The following ZFYVE9 variants were observed in gnomAD, a reference collection of about 807,000 sequenced individuals.
ZFYVE9 encodes zinc finger FYVE domain-containing protein 9.
ZFYVE9 carries 43 observed loss-of-function variants against 126.7 expected under a neutral mutation model. The observed-to-expected ratio is 0.34, with a 90% CI of 0.27 to 0.44. The LOEUF (loss-of-function observed/expected upper bound fraction) is 0.44, where lower values mean the gene tolerates loss of function less well. Ranked by LOEUF, ZFYVE9 falls within the 20% of genes least tolerant of loss-of-function variation. The pLI is 1.00. For missense variants in ZFYVE9, 1,476 were observed against 1,697.0 expected (o/e 0.87, Z 2.29); for synonymous variants, 521 against 597.4 (o/e 0.87, Z 1.87).
At chr1:52,221,328 T>C (rs1468176154) in intron 2 of ZFYVE9, among the ~76,000 whole-genome samples, 1 of 152,226 alleles carries the variant, frequency 6.6e-6, no homozygotes, top group Non-Finnish European at 1.5e-5. Flanking sequence ...TTAGATCCAG[T>C]CTGACTCTAG....
intron 12 of ZFYVE9, among the ~76,000 whole-genome samples, chr1:52,300,144 G>A (rs139219921): frequency 6.8e-4 from 103 of 152,256 alleles, no homozygotes; most frequent in African/African-American, 2.4e-3. Flanking sequence ...CACTCCCCTG[G>A]TGCTCTCCAG....
At position 52,337,922 on chromosome 1, in the gene ZFYVE9, A is replaced by T. The variant is rs767288106; in HGVS notation, c.3821A>T (p.Asn1274Ile). The T allele has an allele frequency of 3.1e-6, 5 of 1,614,122 alleles. No individual in the cohort carries two copies. The highest frequency in any genetic ancestry group is 3.4e-6 in the Non-Finnish European group (4 of 1,180,014). ...IHIQWVDDDK[N>I]VSKGVVSPID... The stretch of plus-strand genomic sequence containing the variant: ...ATCCAGTGGGTGGATGATGACAAGA[A>T]CGTTAGCAAGGGGTAAATGCAGCAC... The change falls in exon 16 of 19, where the codon AAC becomes ATC. Residue 1274 changes from asparagine (N) to isoleucine (I), a missense_variant. This residue lies in a region of ZFYVE9 where 669 missense variants were observed against 902.4 expected (regional missense o/e 0.74). Transcript: ENST00000287727.
Position 52,346,365 on chromosome 1 carries a change from GAC to G in ZFYVE9, c.*145_*146del. On this transcript the variant is annotated 3_prime_UTR_variant, in exon 19 of 19. Transcript: ENST00000287727. ...ATAGGGTGGGAGTGGGGGTTTGGGA[GAC>G]GGGTGGGAAAGGGTGGTTGGGGGGA... The G allele has an allele frequency of 1.3e-6, 1 of 759,322 alleles. No homozygotes were observed. The highest frequency in any genetic ancestry group is 1.9e-6 in the Non-Finnish European group (1 of 525,512). 47.0% of individuals were successfully genotyped at this position (759,322 alleles called of 1,614,324 possible).
In ZFYVE9 at chr1:52,263,698, T is replaced by C. The variant is rs1645603567; in HGVS notation, c.2179-75T>C. ...AAGGTTCACTGACAATCAGTGTTTGTCAATATTGGTTCACTCTCTTTGCAT... is the reference window on the plus strand; with the variant it reads ...AAGGTTCACTGACAATCAGTGTTTGCCAATATTGGTTCACTCTCTTTGCAT... On this transcript the variant is annotated intron_variant, in intron 4 of 18. Coordinates refer to ENST00000287727, the MANE Select transcript of ZFYVE9 (RefSeq NM_004799.4). The C allele has an allele frequency of 4.2e-6, 3 of 717,176 alleles. No homozygotes were observed. The East Asian group carries it at 8.7e-5, about 21-fold the overall frequency. 44.4% of individuals were successfully genotyped at this position (717,176 alleles called of 1,614,324 possible).
At chr1:52,265,891 G>C (rs971319978) in intron 5 of ZFYVE9, among the ~76,000 whole-genome samples, 1 of 152,062 alleles carries the variant, frequency 6.6e-6, no homozygotes, top group Admixed American at 6.5e-5. Flanking sequence ...TTTAGCCCCT[G>C]ATTTTGCTTT....
chr1:52,187,343 A>C (rs1017718238), intron 1 of ZFYVE9, among the ~76,000 whole-genome samples: 4 of 152,240 alleles, frequency 2.6e-5, no homozygotes, highest in African/African-American at 7.2e-5. Context: ...CTTAAATGTA[A>C]AACCCAAAAG....
chr1:52,345,342 G>A (rs1178360599), intron 18 of ZFYVE9, among the ~76,000 whole-genome samples: 2 of 152,090 alleles, frequency 1.3e-5, no homozygotes, highest in African/African-American at 4.8e-5. Flanking sequence ...TCCCCACTGA[G>A]TGAGTGTTAA....
At chr1:52,222,590 C>T (rs933896977) in intron 2 of ZFYVE9, among the ~76,000 whole-genome samples, 9 of 152,194 alleles carry the variant, frequency 5.9e-5, no homozygotes, top group African/African-American at 2.2e-4. Context: ...AGGGGGCATA[C>T]AGGGTTCAAG....
chr1:52,265,060 A>T (rs1645618700), intron 5 of ZFYVE9, among the ~76,000 whole-genome samples: 1 of 152,128 alleles, frequency 6.6e-6, no homozygotes, highest in East Asian at 1.9e-4. Context: ...TTGATAGCTA[A>T]TTTTTTTAAC....
chr1:52,211,349 A>G (rs1557459534), intron 1 of ZFYVE9, among the ~76,000 whole-genome samples: 1 of 152,206 alleles, frequency 6.6e-6, no homozygotes. Flanking sequence ...TCACAATCAC[A>G]TTAAAAAATC....
At chr1:52,310,956 C>T (rs1646131294) in intron 13 of ZFYVE9, among the ~76,000 whole-genome samples, 1 of 152,152 alleles carries the variant, frequency 6.6e-6, no homozygotes, top group Admixed American at 6.5e-5. Context: ...CTGGTAGCCT[C>T]CTGGGATCAA....
At chr1:52,295,854 A>C (rs750646852) in intron 11 of ZFYVE9, 41 bp from the exon 12 acceptor site, 1 of 1,544,248 alleles carries the variant, frequency 6.5e-7, no homozygotes, top group Non-Finnish European at 8.9e-7. Flanking sequence ...CCAAAGTTTT[A>C]TGTTGCCAAA....
chr1:52,170,654 C>T (rs1041392506), intron 1 of ZFYVE9, among the ~76,000 whole-genome samples: 4 of 151,904 alleles, frequency 2.6e-5, no homozygotes, highest in Non-Finnish European at 5.9e-5. Context: ...TTGCTGTATC[C>T]CATAGGTTTC....
intron 1 of ZFYVE9, among the ~76,000 whole-genome samples, chr1:52,191,882 A>C (rs1644819145): frequency 6.6e-6 from 1 of 152,246 alleles, no homozygotes; most frequent in Non-Finnish European, 1.5e-5. Flanking sequence ...CCAGAGACCC[A>C]AAAGCTGTGT....
intron 1 of ZFYVE9, among the ~76,000 whole-genome samples, chr1:52,153,427 G>A (rs1644374872): frequency 6.6e-6 from 1 of 152,160 alleles, no homozygotes; most frequent in African/African-American, 2.4e-5. Flanking sequence ...GCTGGTGTTG[G>A]TTGTTTACCT....
Position 52,346,091 on chromosome 1 carries a change from C to G in ZFYVE9, c.4148C>G (p.Pro1383Arg). 6.2e-7 allele frequency: 1 copy of G among 1,610,190 alleles called. No homozygotes were observed. Among genetic ancestry groups the G allele is most frequent in the Non-Finnish European group, 8.5e-7 (1 of 1,177,228 alleles). ...TATCAAGCAGGGAGCAATGGCCAGCCCCTTCCCTCGCAGTACATGAATGAT... is the reference window on the plus strand; with the variant it reads ...TATCAAGCAGGGAGCAATGGCCAGCGCCTTCCCTCGCAGTACATGAATGAT... ...VGYQAGSNGQ[P>R]LPSQYMNDLD... is the part of the protein sequence containing the mutation. The change falls in exon 19 of 19, where the codon CCC (proline) becomes CGC (arginine). Residue 1383 changes from proline (P) to arginine (R), a missense_variant. Physicochemically the swap from Pro to Arg is moderately radical, Grantham distance 103. This residue lies in a region of ZFYVE9 where 669 missense variants were observed against 902.4 expected (regional missense o/e 0.74). Coordinates refer to ENST00000287727, the MANE Select transcript of ZFYVE9 (RefSeq NM_004799.4).
At chr1:52,298,395 T>C (rs1303722141) in intron 12 of ZFYVE9, among the ~76,000 whole-genome samples, 1 of 152,218 alleles carries the variant, frequency 6.6e-6, no homozygotes, top group African/African-American at 2.4e-5. Context: ...GTACTATTTA[T>C]TGAAGAGAGT....
At chr1:52,215,369 A>G (rs1040818038) in intron 1 of ZFYVE9, among the ~76,000 whole-genome samples, 14 of 152,182 alleles carry the variant, frequency 9.2e-5, no homozygotes, top group Non-Finnish European at 1.8e-4. Context: ...ATCTTTTACC[A>G]GTGATTTTCA....
intron 1 of ZFYVE9, among the ~76,000 whole-genome samples, chr1:52,177,381 C>G (rs570566998): frequency 5.3e-5 from 8 of 152,254 alleles, no homozygotes; most frequent in African/African-American, 1.9e-4. Context: ...AACTCCTGAC[C>G]TCATGATCCA....
Sources: gnomAD v4.1 joint callset for allele counts (sites outside exome capture counted in the v4.1 genomes callset) on GRCh38, gnomAD v4.1.1 for gene constraint, gnomAD v4.1.1 regional missense constraint, MANE v1.5 for transcripts, NCBI Gene and HGNC (gene_info 2026-07-23, HGNC 2026-07-21) for gene names.